Variants in DMGDH observed in about 807,000 individuals in gnomAD.
DMGDH encodes dimethylglycine dehydrogenase.
Under a neutral mutation model 95.2 loss-of-function variants are expected in DMGDH, and 76 were observed. The ratio of observed to expected loss-of-function variants is 0.80; its 90% CI spans 0.66 to 0.97. The LOEUF (loss-of-function observed/expected upper bound fraction) is 0.97, where lower values mean the gene tolerates loss of function less well. Among genes scored for constraint, DMGDH ranks in the 50% least tolerant of loss-of-function variants. The probability of loss-of-function intolerance (pLI) is 0.00; values close to 1 mark genes in which losing one functional copy is unlikely to be tolerated. For synonymous variants in DMGDH, 345 were observed against 377.6 expected, an observed-to-expected ratio of 0.91 and a Z score of 1.00; for missense variants, 987 against 1,055.0, an observed-to-expected ratio of 0.94 and a Z score of 0.89.
In DMGDH at chr5:79,012,461, G is replaced by A. The variant is rs1438933815; in HGVS notation, c.2251-7054C>T. On this transcript the variant is annotated intron_variant, in intron 14 of 15. Coordinates refer to ENST00000255189, the MANE Select transcript of DMGDH (RefSeq NM_013391.3). ...CTGCTGGTGGGTCTACCATTCTAGG[G>A]TCTAGATGATGGTGGCTCTCTTCTC... is the stretch of plus-strand genomic sequence containing the variant. Among the ~76,000 whole-genome samples the A allele has an allele frequency of 2.0e-5, 3 of 152,296 alleles. No homozygotes were observed. In the East Asian group the frequency reaches 5.8e-4, roughly 29 times the overall value.
chr5:79,030,266 G>GCAGAACTCAAT (rs1240251869), intron 10 of DMGDH, among the ~76,000 whole-genome samples: 2 of 152,148 alleles, frequency 1.3e-5, no homozygotes, highest in Admixed American at 1.3e-4. Context: ...TCATTTAACT[G>GCAGAACTCAAT]CAGAACTCAA....
intron 14 of DMGDH, among the ~76,000 whole-genome samples, chr5:79,022,539 C>G (rs943433035): frequency 6.6e-6 from 1 of 152,108 alleles, no homozygotes; most frequent in Non-Finnish European, 1.5e-5. Flanking sequence ...CTACAAGGAC[C>G]TTTACCCTAT....
At position 78,998,254 on chromosome 5, in the gene DMGDH, T is replaced by C. The variant is rs1417321366; in HGVS notation, c.2429A>G (p.Gln810Arg). 7.4e-6 allele frequency: 12 copies of C among 1,614,190 alleles called. No individual in the cohort carries two copies. Among genetic ancestry groups the C allele is most frequent in the Non-Finnish European group, 1.0e-5 (12 of 1,180,020 alleles). ...TTSGSYSYSIQKSLAFAYVPV... is the reference protein window; with the variant it reads ...TTSGSYSYSIRKSLAFAYVPV... ...GACATATGCGAAAGCCAGACTCTTC[T>C]GGATGCTGTAGCTATAGCTTCCAGA... The change falls in exon 16 of 16, where the codon CAG becomes CGG. Residue 810 changes from glutamine (Q) to arginine (R), a missense_variant. Gln to Arg is a conservative substitution (Grantham distance 43). Transcript: ENST00000255189.
intron 8 of DMGDH, 133 bp from the exon 9 acceptor site, chr5:79,032,973 G>A: frequency 1.8e-6 from 2 of 1,130,506 alleles, no homozygotes; most frequent in Non-Finnish European, 2.6e-6. Flanking sequence ...ATATATGAAT[G>A]ATTCATGTAG....
intron 7 of DMGDH, among the ~76,000 whole-genome samples, chr5:79,035,412 A>G (rs1181384586): frequency 6.6e-6 from 1 of 152,206 alleles, no homozygotes; most frequent in Admixed American, 6.5e-5. Flanking sequence ...GTCTATTTTA[A>G]GGAGAAAGAT....
intron 14 of DMGDH, among the ~76,000 whole-genome samples, chr5:79,006,324 C>T (rs1226230463): frequency 1.3e-5 from 2 of 151,926 alleles, no homozygotes; most frequent in Non-Finnish European, 1.5e-5. Flanking sequence ...TGAGCAATGA[C>T]TCCTCAGCAG....
intron 5 of DMGDH, among the ~76,000 whole-genome samples, chr5:79,049,499 TG>T (rs1247662068): frequency 1.3e-5 from 2 of 152,214 alleles, no homozygotes; most frequent in African/African-American, 4.8e-5. Context: ...CCACAGGTGC[TG>T]GATGTGGAAG....
intron 14 of DMGDH, among the ~76,000 whole-genome samples, chr5:79,013,270 C>A (rs1753676641): frequency 6.6e-6 from 1 of 152,130 alleles, no homozygotes. Context: ...GGCAGGAGCA[C>A]AATGCAGCCA....
intron 7 of DMGDH, among the ~76,000 whole-genome samples, chr5:79,040,854 A>T (rs943574266): frequency 1.3e-5 from 2 of 152,234 alleles, no homozygotes; most frequent in Non-Finnish European, 2.9e-5. Context: ...CAGGAGAAGC[A>T]CTCCTACTTC....
intron 15 of DMGDH, among the ~76,000 whole-genome samples, chr5:79,004,706 T>TG (rs533367040): frequency 1.1e-3 from 174 of 152,352 alleles, no homozygotes; most frequent in African/African-American, 4.0e-3. Context: ...TGACTAACTC[T>TG]GGTTTTACTG....
chr5:79,031,970 A>T (rs1754188738), intron 9 of DMGDH, among the ~76,000 whole-genome samples: 1 of 152,236 alleles, frequency 6.6e-6, no homozygotes, highest in Non-Finnish European at 1.5e-5. Flanking sequence ...TATGAATTAG[A>T]TCTAGTCTTA....
chr5:79,056,035 T>C, intron 2 of DMGDH, 127 bp from the exon 3 acceptor site: 1 of 689,870 alleles, frequency 1.4e-6, no homozygotes. Context: ...TCCTTTGGGA[T>C]GAGAACACAT....
At chr5:79,033,925 C>T (rs184434283) in intron 7 of DMGDH, among the ~76,000 whole-genome samples, 1 of 151,146 alleles carries the variant, frequency 6.6e-6, no homozygotes, top group Non-Finnish European at 1.5e-5. Context: ...AAGCAAGACC[C>T]TCTCTCAAAA....
At chr5:79,039,418 G>T (rs1226773581) in intron 7 of DMGDH, among the ~76,000 whole-genome samples, 1 of 151,906 alleles carries the variant, frequency 6.6e-6, no homozygotes, top group East Asian at 1.9e-4. Flanking sequence ...GGACATGGAT[G>T]AAATTGGAAA....
chr5:79,030,580 A>G, intron 10 of DMGDH: 1 of 378,538 alleles, frequency 2.6e-6, no homozygotes, highest in Non-Finnish European at 4.8e-6. Context: ...TGGGAGGCGA[A>G]GGTTGCAGTG....
Position 79,069,574 on chromosome 5 carries a change from C to A in DMGDH, c.47G>T (p.Ser16Ile). 7.4e-7 allele frequency: 1 copy of A among 1,353,446 alleles called. No individual in the cohort carries two copies. Among genetic ancestry groups the A allele is most frequent in the East Asian group, 3.1e-5 (1 of 32,662 alleles). The allele number at this position is 1,353,446 out of a possible 1,614,324, so 83.8% of individuals were successfully genotyped here. Residue 16 changes from serine (S) to isoleucine (I), a missense_variant, in exon 1 of 16, where the codon AGC becomes ATC. Ser to Ile is a moderately radical substitution (Grantham distance 142). Transcript: ENST00000255189. ...CCCGGGGGAGCCCTGCAGCGGGCAGCTCCGCAGCAGGAGGCCCCGCAGCAG... is the reference window on the plus strand; with the variant it reads ...CCCGGGGGAGCCCTGCAGCGGGCAGATCCGCAGCAGGAGGCCCCGCAGCAG... ...AQLLRGLLLRSCPLQGSPGRP... is the reference protein window; with the variant it reads ...AQLLRGLLLRICPLQGSPGRP...
chr5:79,059,986 C>G (rs1332334499), intron 2 of DMGDH, among the ~76,000 whole-genome samples: 1 of 152,192 alleles, frequency 6.6e-6, no homozygotes, highest in Non-Finnish European at 1.5e-5. Flanking sequence ...TATCCTATAG[C>G]ACGCAATCTG....
At chr5:79,040,972 C>T (rs935498645) in intron 7 of DMGDH, among the ~76,000 whole-genome samples, 2 of 152,172 alleles carry the variant, frequency 1.3e-5, no homozygotes, top group South Asian at 4.1e-4. Flanking sequence ...GTCCCACATA[C>T]CTAAACTTAA....
chr5:78,998,324 A>G, intron 15 of DMGDH, 27 bp from the exon 16 acceptor site: 1 of 1,597,708 alleles, frequency 6.3e-7, no homozygotes, highest in Admixed American at 1.7e-5. Context: ...AACAGTCCTC[A>G]GCATCTTGGT....
Sources: gnomAD v4.1 joint callset for allele counts (sites outside exome capture counted in the v4.1 genomes callset) on GRCh38, gnomAD v4.1.1 for gene constraint, MANE v1.5 for transcripts, NCBI Gene and HGNC (gene_info 2026-07-23, HGNC 2026-07-21) for gene names.